Variants in RAB27B observed in about 807,000 individuals in gnomAD.
The protein encoded by RAB27B is ras-related protein Rab-27B.
Under a neutral mutation model 24.6 loss-of-function variants are expected in RAB27B, and 15 were observed. The ratio of observed to expected loss-of-function variants is 0.61; its 90% CI spans 0.41 to 0.94. The LOEUF (loss-of-function observed/expected upper bound fraction) is 0.94, where lower values mean the gene tolerates loss of function less well. Ranked by LOEUF, RAB27B falls within the 40% of genes least tolerant of loss-of-function variation. The pLI, the probability that RAB27B is intolerant of heterozygous loss-of-function variation, is 0.00. For missense variants in RAB27B, 261 were observed against 266.8 expected (o/e 0.98, Z 0.15); for synonymous variants, 105 against 92.5 (o/e 1.14, Z -0.78).
chr18:54,773,064 T>C (rs1398829934), intron 2 of RAB27B, among the ~76,000 whole-genome samples: 2 of 152,182 alleles, frequency 1.3e-5, no homozygotes, highest in African/African-American at 2.4e-5. Flanking sequence ...TTTTTTTTTT[T>C]AAATCTTCAC....
intron 2 of RAB27B, among the ~76,000 whole-genome samples, chr18:54,769,181 G>C (rs74952956): frequency 0.054 from 8,237 of 152,150 alleles, 284 homozygotes; most frequent in South Asian, 0.084. Flanking sequence ...GGAGGTACAG[G>C]CCTTGGATAA....
intron 1 of RAB27B, among the ~76,000 whole-genome samples, chr18:54,864,457 C>T (rs1912130427): frequency 6.6e-6 from 1 of 151,564 alleles, no homozygotes; most frequent in African/African-American, 2.4e-5. Context: ...GTTGTATTTT[C>T]CTTTTTTTCA....
chr18:54,803,977 G>A (rs1426555245), intron 2 of RAB27B, among the ~76,000 whole-genome samples: 1 of 152,110 alleles, frequency 6.6e-6, no homozygotes, highest in Non-Finnish European at 1.5e-5. Flanking sequence ...TCCTGATGAG[G>A]GGGAAGGTGG....
At chr18:54,849,522 C>A (rs1911471325) in intron 1 of RAB27B, among the ~76,000 whole-genome samples, 1 of 152,112 alleles carries the variant, frequency 6.6e-6, no homozygotes, top group Non-Finnish European at 1.5e-5. Context: ...AGTTCGAGAC[C>A]AGCCTGCCCA....
intron 2 of RAB27B, among the ~76,000 whole-genome samples, chr18:54,737,790 T>C (rs1402630194): frequency 1.3e-5 from 2 of 152,168 alleles, no homozygotes; most frequent in South Asian, 2.1e-4. Context: ...ATCTAAATTA[T>C]TTGACTAAAT....
chr18:54,819,973 T>C (rs139143644), intron 2 of RAB27B, among the ~76,000 whole-genome samples: 1 of 152,190 alleles, frequency 6.6e-6, no homozygotes, highest in Non-Finnish European at 1.5e-5. Flanking sequence ...GGCTGCATAG[T>C]ATTCCACGGT....
intron 2 of RAB27B, among the ~76,000 whole-genome samples, chr18:54,719,071 G>C (rs936267468): frequency 6.6e-6 from 1 of 152,096 alleles, no homozygotes; most frequent in Non-Finnish European, 1.5e-5. Flanking sequence ...TTCATTGTAA[G>C]ATGAACAGTA....
At chr18:54,721,454 A>G (rs1247740673) in intron 2 of RAB27B, among the ~76,000 whole-genome samples, 1 of 152,212 alleles carries the variant, frequency 6.6e-6, no homozygotes, top group East Asian at 1.9e-4. Flanking sequence ...GCTCTTTCAC[A>G]TAATAGTGAA....
At chr18:54,843,551 G>A (rs1332622088) in intron 1 of RAB27B, among the ~76,000 whole-genome samples, 1 of 152,140 alleles carries the variant, frequency 6.6e-6, no homozygotes, top group Non-Finnish European at 1.5e-5. Context: ...ACAACAACTA[G>A]CACGACATCT....
intron 2 of RAB27B, among the ~76,000 whole-genome samples, chr18:54,756,614 C>T (rs534379885): frequency 6.6e-6 from 1 of 152,186 alleles, no homozygotes; most frequent in South Asian, 2.1e-4. Flanking sequence ...ACTGTGCTGT[C>T]TTCTGGACTT....
At chr18:54,771,590 TAGTGTG>T (rs1441986088) in intron 2 of RAB27B, among the ~76,000 whole-genome samples, 18 of 110,084 alleles carry the variant, frequency 1.6e-4, no homozygotes, top group African/African-American at 6.4e-4. Flanking sequence ...GCTGATAGTT[TAGTGTG>T]TGTGTGTGTG....
At chr18:54,721,396 T>C (rs55987306) in intron 2 of RAB27B, among the ~76,000 whole-genome samples, 35,315 of 152,146 alleles carry the variant, frequency 0.23, 6,981 homozygotes, top group African/African-American at 0.54. Context: ...AACTTGTTGA[T>C]AAATATTAAT....
intron 1 of RAB27B, among the ~76,000 whole-genome samples, chr18:54,860,066 T>G (rs1186922446): frequency 5.3e-5 from 8 of 152,178 alleles, no homozygotes; most frequent in Non-Finnish European, 1.2e-4. Context: ...TGTTTTGTGT[T>G]TTTGTTACAT....
At chr18:54,882,647 G>A (rs1912973238) in intron 3 of RAB27B, among the ~76,000 whole-genome samples, 1 of 152,154 alleles carries the variant, frequency 6.6e-6, no homozygotes, top group South Asian at 2.1e-4. Flanking sequence ...GAAGCACTAA[G>A]ACTAAGTAAC....
chr18:54,855,850 G>T lies in RAB27B; in HGVS notation c.-19-21717G>T, dbSNP rs114092003. Among the ~76,000 whole-genome samples, 931 of 152,242 alleles carry T rather than the reference G, an allele frequency of 6.1e-3. 11 individuals carry two copies. The highest frequency in any genetic ancestry group is 0.022 in the African/African-American group (906 of 41,544). Reference sequence around the variant, plus strand: ...AAAGATGCTTTTTCTTATATAAAGTGCAGTATTCAGTTTTCTAATATGTAC... The same window carrying T: ...AAAGATGCTTTTTCTTATATAAAGTTCAGTATTCAGTTTTCTAATATGTAC... On this transcript the variant is annotated intron_variant, in intron 1 of 5. Transcript: ENST00000262094.
Position 54,788,110 on chromosome 18 carries a change from C to A in RAB27B, c.-20+69969C>A, listed in dbSNP as rs1005545328. On this transcript the variant is annotated intron_variant, in intron 2 of 4. Coordinates refer to the RAB27B transcript ENST00000586570. ...GCTTTACTTTCTCAGCAAGGCCAGA[C>A]AAAAAATAGAGTGGAAAGAATTAGC... Among the ~76,000 whole-genome samples the A allele has an allele frequency of 5.9e-5, 9 of 152,124 alleles. No homozygotes were observed. The South Asian group carries it at 1.9e-3, about 32-fold the overall frequency.
chr18:54,767,961 T>C (rs1355721495), intron 2 of RAB27B, among the ~76,000 whole-genome samples: 2 of 152,102 alleles, frequency 1.3e-5, no homozygotes, highest in Admixed American at 6.6e-5. Flanking sequence ...AGGGATATAG[T>C]AATAAATAAG....
At chr18:54,820,587 G>A (rs537556426) in intron 2 of RAB27B, among the ~76,000 whole-genome samples, 5 of 152,188 alleles carry the variant, frequency 3.3e-5, no homozygotes, top group Admixed American at 3.3e-4. Context: ...TCTGATGGTA[G>A]TTTCTTTTGC....
rs139728710 is a variant in RAB27B at position 54,866,985 on chromosome 18, C to A, written c.-19-10582C>A. Among the ~76,000 whole-genome samples, 320 of 152,152 alleles carry A rather than the reference C, an allele frequency of 2.1e-3. 2 individuals carry two copies. Among genetic ancestry groups the A allele is most frequent in the African/African-American group, 7.4e-3 (309 of 41,508 alleles). ...GTCACACAAGGCAGGAATGAAGAGTCAGAGAACAAAAAGAGCAAGTAGCAC... is the reference window on the plus strand; with the variant it reads ...GTCACACAAGGCAGGAATGAAGAGTAAGAGAACAAAAAGAGCAAGTAGCAC... On this transcript the variant is annotated intron_variant, in intron 1 of 5. Transcript: ENST00000262094.
Sources: allele counts gnomAD v4.1 joint callset (sites outside exome capture counted in the v4.1 genomes callset), GRCh38; gene constraint gnomAD v4.1.1; transcripts MANE v1.5; gene names NCBI Gene and HGNC (gene_info 2026-07-23, HGNC 2026-07-21).